USH2A: variants seen among roughly 807,000 people sequenced by gnomAD.
USH2A encodes Usher syndrome 2A (autosomal recessive, mild).
USH2A carries 443 observed loss-of-function variants against 538.9 expected under a neutral mutation model. The ratio of observed to expected loss-of-function variants is 0.82; its 90% CI spans 0.76 to 0.89. The LOEUF is 0.89. USH2A is among the 40% of genes least tolerant of loss of function. USH2A has a pLI of 0.00. For missense variants in USH2A, 6,633 were observed against 6,324.8 expected (o/e 1.05, Z -1.65); for synonymous variants, 2,413 against 2,273.5 (o/e 1.06, Z -1.75).
chr1:216,025,991 G>A (rs1340303003), intron 32 of USH2A, among the ~76,000 whole-genome samples: 1 of 152,066 alleles, frequency 6.6e-6, no homozygotes, highest in Non-Finnish European at 1.5e-5. Context: ...AATAGAGAGG[G>A]CAATACAAGA....
chr1:216,352,018 G>C (rs1328769387), intron 4 of USH2A, among the ~76,000 whole-genome samples: 1 of 152,146 alleles, frequency 6.6e-6, no homozygotes, highest in Non-Finnish European at 1.5e-5. Flanking sequence ...TTGAAAAAAA[G>C]TAAGTTTAAT....
At chr1:216,200,344 T>C (rs2034957209) in intron 16 of USH2A, among the ~76,000 whole-genome samples, 1 of 152,204 alleles carries the variant, frequency 6.6e-6, no homozygotes, top group South Asian at 2.1e-4. Context: ...AAAGAATGTT[T>C]AGATGTTTGT....
At chr1:216,009,773 C>T (rs1039618733) in intron 32 of USH2A, among the ~76,000 whole-genome samples, 2 of 152,180 alleles carry the variant, frequency 1.3e-5, no homozygotes, top group Non-Finnish European at 2.9e-5. Context: ...CCCCTCCTTA[C>T]ACCCAGTCCG....
At position 216,325,286 on chromosome 1, in the gene USH2A, C is replaced by A. The variant is rs762049070; in HGVS notation, c.1143+19G>T. The A allele has an allele frequency of 1.1e-5, 18 of 1,612,416 alleles. No individual in the cohort carries two copies. Among genetic ancestry groups the A allele is most frequent in the Non-Finnish European group, 1.4e-5 (16 of 1,179,378 alleles). Reference sequence around the variant, plus strand: ...AATAACCACAGGAAATTAATGTACACCTTATCGTTTCTCATTACCTGATAC... The same window carrying A: ...AATAACCACAGGAAATTAATGTACAACTTATCGTTTCTCATTACCTGATAC... On this transcript the variant is annotated intron_variant, in intron 6 of 71. Transcript: ENST00000307340.
intron 51 of USH2A, among the ~76,000 whole-genome samples, chr1:215,787,325 GAAA>G (rs1425883833): frequency 6.6e-6 from 1 of 152,138 alleles, no homozygotes; most frequent in Non-Finnish European, 1.5e-5. Context: ...GAATTTTAGA[GAAA>G]ATAAAGAATG....
intron 22 of USH2A, among the ~76,000 whole-genome samples, chr1:216,095,663 G>A (rs183600976): frequency 2.0e-5 from 3 of 152,280 alleles, no homozygotes; most frequent in African/African-American, 7.2e-5. Context: ...TCATGAGGAG[G>A]GAGCCTTTCT....
At chr1:216,378,223 G>A (rs1345092110) in intron 3 of USH2A, among the ~76,000 whole-genome samples, 1 of 152,124 alleles carries the variant, frequency 6.6e-6, no homozygotes, top group African/African-American at 2.4e-5. Flanking sequence ...AAAGGTAAAG[G>A]TGAGAATGAC....
intron 3 of USH2A, among the ~76,000 whole-genome samples, chr1:216,389,028 T>G (rs1225558959): frequency 6.6e-6 from 1 of 152,084 alleles, no homozygotes; most frequent in Non-Finnish European, 1.5e-5. Flanking sequence ...AGAAGGAGAA[T>G]AAAACCATTA....
chr1:215,638,357 C>T (rs1271572133), intron 69 of USH2A, among the ~76,000 whole-genome samples: 5 of 152,118 alleles, frequency 3.3e-5, no homozygotes, highest in African/African-American at 7.2e-5. Context: ...CAGTGGCTCA[C>T]GCCTGTAATT....
At chr1:216,223,714 C>A (rs1192086462) in intron 14 of USH2A, among the ~76,000 whole-genome samples, 10 of 152,130 alleles carry the variant, frequency 6.6e-5, no homozygotes, top group Admixed American at 3.9e-4. Context: ...GACAAAGAGT[C>A]ACTGAGGAGA....
At chr1:215,710,600 A>C (rs1421025471) in intron 61 of USH2A, among the ~76,000 whole-genome samples, 2 of 152,146 alleles carry the variant, frequency 1.3e-5, no homozygotes, top group East Asian at 3.9e-4. Context: ...CTCTAGGTGG[A>C]GCACTCAATT....
At chr1:216,318,945 T>C (rs1453208956) in intron 9 of USH2A, among the ~76,000 whole-genome samples, 3 of 152,014 alleles carry the variant, frequency 2.0e-5, no homozygotes, top group African/African-American at 7.2e-5. Context: ...CACTTAACTG[T>C]GAGCAATTAA....
At chr1:215,689,598 G>T (rs1418695) in intron 61 of USH2A, among the ~76,000 whole-genome samples, 57,081 of 151,870 alleles carry the variant, frequency 0.38, 10,801 homozygotes, top group South Asian at 0.56. Context: ...CATCTCAGCA[G>T]ACTGAAAGTG....
chr1:216,027,873 T>A (rs1190544829), intron 32 of USH2A, among the ~76,000 whole-genome samples: 1 of 152,250 alleles, frequency 6.6e-6, no homozygotes, highest in East Asian at 1.9e-4. Flanking sequence ...GTTAATAGTT[T>A]AATGAAATTT....
chr1:216,311,449 A>G (rs2102637702), intron 9 of USH2A, among the ~76,000 whole-genome samples: 1 of 152,300 alleles, frequency 6.6e-6, no homozygotes, highest in Non-Finnish European at 1.5e-5. Context: ...CTTACCATCC[A>G]CTTGGTGTTT....
At chr1:215,662,535 C>T (rs1055623675) in intron 64 of USH2A, among the ~76,000 whole-genome samples, 2 of 152,188 alleles carry the variant, frequency 1.3e-5, no homozygotes, top group East Asian at 3.9e-4. Context: ...CCTGAATGTG[C>T]TCACACTGAC....
rs1659879917 is a variant in USH2A, at chr1:215,728,066, T to C, written c.12030A>G (p.Thr4010=). Residue 4010 remains threonine (T), a synonymous_variant, in exon 61 of 72, where the codon ACA becomes ACG. Transcript: ENST00000307340. ...AAGCATGCACGGTAGGGCTGTTAAATGTAGGATCGTCGGGTCTCTCCTGGT... is the reference window on the plus strand; with the variant it reads ...AAGCATGCACGGTAGGGCTGTTAAACGTAGGATCGTCGGGTCTCTCCTGGT... ...VVYQERPDDP[T]FNSPTVHAFT... is the part of the protein sequence containing the mutation. 1.9e-6 allele frequency: 3 copies of C among 1,614,190 alleles called. No individual in the cohort carries two copies. Among genetic ancestry groups the C allele is most frequent in the Non-Finnish European group, 2.5e-6 (3 of 1,180,044 alleles).
chr1:215,992,998 G>A (rs1172664058), intron 35 of USH2A, 22 bp downstream of exon 35: 11 of 1,613,896 alleles, frequency 6.8e-6, no homozygotes, highest in Non-Finnish European at 9.3e-6. Context: ...TTTTTAACTT[G>A]AGGCTAAAAG....
chr1:215,789,681 G>A (rs1055006520), intron 51 of USH2A, among the ~76,000 whole-genome samples: 1 of 152,106 alleles, frequency 6.6e-6, no homozygotes, highest in African/African-American at 2.4e-5. Flanking sequence ...GTGGATGATG[G>A]CTGGCGGGCT....
Sources: gnomAD v4.1 joint callset for allele counts (sites outside exome capture counted in the v4.1 genomes callset) on GRCh38, gnomAD v4.1.1 for gene constraint, MANE v1.5 for transcripts, NCBI Gene and HGNC (gene_info 2026-07-23, HGNC 2026-07-21) for gene names.